YJU2: variants seen among roughly 807,000 people sequenced by gnomAD.
YJU2 encodes the protein YJU2 splicing factor homolog, also known as splicing factor YJU2.
A neutral mutation model predicts 39.6 loss-of-function variants in YJU2; 28 were observed. The ratio of observed to expected loss-of-function variants is 0.71; its 90% CI spans 0.52 to 0.97. The LOEUF is 0.97. Ranked by LOEUF, YJU2 falls within the 50% of genes least tolerant of loss-of-function variation. The pLI, the probability that YJU2 is intolerant of heterozygous loss-of-function variation, is 0.00. For synonymous variants in YJU2, 184 were observed against 182.4 expected (o/e 1.01, Z -0.07); for missense variants, 328 against 430.4 (o/e 0.76, Z 2.11).
In YJU2 at chr19:4,247,578, G is replaced by C. The variant is rs1177849399; in HGVS notation, c.24+408G>C. 1.5e-4 allele frequency among the ~76,000 whole-genome samples: 12 copies of C among 82,008 alleles called. 2 individuals are homozygous for C. Among genetic ancestry groups the C allele is most frequent in the African/African-American group, 2.8e-4 (4 of 14,106 alleles). 53.8% of individuals were successfully genotyped at this position (82,008 alleles called of 152,430 possible). Reference sequence around the variant, plus strand: ...TACTTTGGGTGGGGTGGGGTGGGGTGGCGCGTGTGTGTGTGTGTGTGTGTG... The same window carrying C: ...TACTTTGGGTGGGGTGGGGTGGGGTCGCGCGTGTGTGTGTGTGTGTGTGTG... On this transcript the variant is annotated intron_variant, in intron 1 of 7. Coordinates refer to ENST00000262962, the MANE Select transcript of YJU2 (RefSeq NM_018074.6).
chr19:4,253,198 TACACACACACACACACACACACAC>T (rs58339658), intron 3 of YJU2, among the ~76,000 whole-genome samples: 1 of 139,076 alleles, frequency 7.2e-6, no homozygotes, highest in Non-Finnish European at 1.5e-5. Context: ...TGTCCGTGTC[TACACACACACACACACACACACAC>T]ACACACACAC....
At chr19:4,254,062 A>G (rs1181331921) in intron 3 of YJU2, among the ~76,000 whole-genome samples, 2 of 152,044 alleles carry the variant, frequency 1.3e-5, no homozygotes, top group African/African-American at 4.8e-5. Flanking sequence ...CACCTGCCTC[A>G]TTGGAGAGTT....
chr19:4,247,458 G>A, intron 1 of YJU2: 1 of 335,918 alleles, frequency 3.0e-6, no homozygotes, highest in Non-Finnish European at 5.5e-6. Context: ...CTGGGGGCGG[G>A]GCTTCCTTAA....
Position 4,267,868 on chromosome 19 carries a change from T to G in YJU2, c.859+94T>G, listed in dbSNP as rs920975874. 16 of 1,238,916 alleles carry G rather than the reference T, an allele frequency of 1.3e-5. No individual in the cohort carries two copies. The South Asian group carries it at 2.0e-4, about 16-fold the overall frequency. 76.7% of individuals were successfully genotyped at this position (1,238,916 alleles called of 1,614,324 possible). On this transcript the variant is annotated intron_variant, in intron 7 of 7. Transcript: ENST00000262962. ...TTGCAGTTACAGAGACTTCATGGGG[T>G]GGGTGGGGGCGGCCTGCGACCCCCA...
In YJU2 at chr19:4,268,721, G is replaced by T. The variant is rs1479605527; in HGVS notation, c.*25G>T. 1 of 1,538,396 alleles carries T rather than the reference G, an allele frequency of 6.5e-7. No individual in the cohort carries two copies. Among genetic ancestry groups the T allele is most frequent in the Non-Finnish European group, 9.0e-7 (1 of 1,115,916 alleles). On this transcript the variant is annotated 3_prime_UTR_variant, in exon 8 of 8. Coordinates refer to ENST00000262962, the MANE Select transcript of YJU2 (RefSeq NM_018074.6). ...AGCCCTCCCAGGACCCCCTCACGGG[G>T]TCAAAGTCACACGTCCAGCTTCAGC...
intron 3 of YJU2, 118 bp from the exon 4 acceptor site, chr19:4,254,237 G>C: frequency 2.5e-6 from 2 of 787,694 alleles, no homozygotes; most frequent in Non-Finnish European, 4.4e-6. Flanking sequence ...ACAAGAAAAA[G>C]AGAAGGTAGT....
Position 4,267,515 on chromosome 19 carries a change from T to C in YJU2, c.709-109T>C, listed in dbSNP as rs7248124. 0.018 allele frequency: 20,968 copies of C among 1,180,574 alleles called. 1,506 individuals carry two copies. In the African/African-American group the frequency reaches 0.2, roughly 11 times the overall value. 73.1% of individuals were successfully genotyped at this position (1,180,574 alleles called of 1,614,324 possible). On this transcript the variant is annotated intron_variant, in intron 6 of 7. Coordinates refer to ENST00000262962, the MANE Select transcript of YJU2 (RefSeq NM_018074.6). ...TAGAGCAGAGGAGGAATGTGGTCAGTGCAGCAGTGGAAGAGTGGGCATGGG... is the reference window on the plus strand; with the variant it reads ...TAGAGCAGAGGAGGAATGTGGTCAGCGCAGCAGTGGAAGAGTGGGCATGGG...
intron 5 of YJU2, among the ~76,000 whole-genome samples, chr19:4,261,310 G>A (rs558874520): frequency 6.6e-6 from 1 of 152,162 alleles, no homozygotes; most frequent in Admixed American, 6.6e-5. Context: ...GGCCAAGATG[G>A]CGAAACCCCG....
At chr19:4,261,875 G>A (rs1971073447) in intron 5 of YJU2, 119 bp from the exon 6 acceptor site, 2 of 952,394 alleles carry the variant, frequency 2.1e-6, no homozygotes, top group Non-Finnish European at 3.2e-6. Flanking sequence ...TCCCACCCCT[G>A]CTCACTGAGG....
In YJU2 at chr19:4,267,585, T is replaced by TC; in HGVS notation, c.709-37dup. 2.5e-6 allele frequency: 4 copies of TC among 1,599,270 alleles called. No individual in the cohort carries two copies. In the South Asian group the frequency reaches 4.4e-5, roughly 18 times the overall value. ...GCGAGGGGCCAGACTGGGCCCTGGA[T>TC]CCGGGCCAGACCCCCACATGTGTCC... On this transcript the variant is annotated intron_variant, in intron 6 of 7. Transcript: ENST00000262962.
At chr19:4,264,872 C>T (rs988002375) in intron 6 of YJU2, among the ~76,000 whole-genome samples, 5 of 152,144 alleles carry the variant, frequency 3.3e-5, no homozygotes, top group African/African-American at 1.2e-4. Context: ...AAGCAGTTCT[C>T]CCGCCAAGGC....
intron 5 of YJU2, among the ~76,000 whole-genome samples, chr19:4,259,979 G>A (rs765340780): frequency 2.0e-5 from 3 of 152,138 alleles, no homozygotes; most frequent in Non-Finnish European, 4.4e-5. Flanking sequence ...GGGTCAGTGT[G>A]ATCTTCATCA....
intron 2 of YJU2, among the ~76,000 whole-genome samples, chr19:4,249,656 T>G (rs930908941): frequency 1.3e-5 from 2 of 151,740 alleles, no homozygotes; most frequent in East Asian, 3.9e-4. Flanking sequence ...CCAGGGCCTT[T>G]GCACACACTG....
rs1222205675 is a variant in YJU2 at position 4,249,404 on chromosome 19, C to T, written c.125+76C>T. 2.6e-4 allele frequency: 248 copies of T among 936,548 alleles called. 2 individuals are homozygous for T. In the South Asian group the frequency reaches 3.1e-3, roughly 12 times the overall value. 58.0% of individuals were successfully genotyped at this position (936,548 alleles called of 1,614,324 possible). On this transcript the variant is annotated intron_variant, in intron 2 of 7. Coordinates refer to ENST00000262962, the MANE Select transcript of YJU2 (RefSeq NM_018074.6). Reference sequence around the variant, plus strand: ...GTGCCTGGCATCCACAGAGGTGACTCGTCCGGTGTTAAGACCAGATCACTG... The same window carrying T: ...GTGCCTGGCATCCACAGAGGTGACTTGTCCGGTGTTAAGACCAGATCACTG...
chr19:4,249,370 A>C, intron 2 of YJU2, 42 bp downstream of exon 2: 1 of 1,345,994 alleles, frequency 7.4e-7, no homozygotes, highest in Non-Finnish European at 1.1e-6. Flanking sequence ...GTCATGGCTG[A>C]AGGACGCAGT....
intron 6 of YJU2, among the ~76,000 whole-genome samples, chr19:4,263,088 A>C (rs950331605): frequency 4.0e-5 from 6 of 151,858 alleles, no homozygotes; most frequent in South Asian, 2.1e-4. Context: ...AAAAAAAAAA[A>C]AAAACTTAAT....
At chr19:4,266,601 T>G (rs894044053) in intron 6 of YJU2, among the ~76,000 whole-genome samples, 2 of 152,068 alleles carry the variant, frequency 1.3e-5, no homozygotes, top group African/African-American at 4.8e-5. Context: ...TCCCTCTCCC[T>G]CCCCACACGG....
At chr19:4,247,342 G>C (rs767889115) in intron 1 of YJU2, 172 bp downstream of exon 1, 33 of 587,102 alleles carry the variant, frequency 5.6e-5, no homozygotes, top group South Asian at 3.7e-4. Flanking sequence ...CTTCCGTCGG[G>C]GGGGTGGGCC....
In YJU2 at chr19:4,258,558, T is replaced by C. The variant is rs115141974; in HGVS notation, c.587+135T>C. ...ACCCCTTTCCCACCGCCCATCTCACTTTCTCCCTTGTGGCGTCTCTCGAGG... is the reference window on the plus strand; with the variant it reads ...ACCCCTTTCCCACCGCCCATCTCACCTTCTCCCTTGTGGCGTCTCTCGAGG... On this transcript the variant is annotated intron_variant, in intron 5 of 7. Coordinates refer to ENST00000262962, the MANE Select transcript of YJU2 (RefSeq NM_018074.6). 2,566 of 1,363,684 alleles carry C rather than the reference T, an allele frequency of 1.9e-3. 38 individuals are homozygous for C. The African/African-American group carries it at 0.028, about 15-fold the overall frequency. The allele number at this position is 1,363,684 out of a possible 1,614,324, so 84.5% of individuals were successfully genotyped here. A position where few individuals can be genotyped will look rare whatever the true frequency, so the allele number is the denominator to read the frequency against.
Sources: gnomAD v4.1 joint callset for allele counts (sites outside exome capture counted in the v4.1 genomes callset) on GRCh38, gnomAD v4.1.1 for gene constraint, MANE v1.5 for transcripts, NCBI Gene and HGNC (gene_info 2026-07-23, HGNC 2026-07-21) for gene names.